PUM1: variants seen among roughly 807,000 people sequenced by gnomAD.
The protein encoded by PUM1 is pumilio RNA binding family member 1.
In PUM1, 13 loss-of-function variants were observed where a neutral mutation model predicts 131.8. The observed-to-expected ratio is 0.10, with a 90% confidence interval of 0.06 to 0.16. PUM1 has a LOEUF of 0.16. Ranked by LOEUF, PUM1 falls within the 10% of genes least tolerant of loss-of-function variation. The pLI is 1.00. For synonymous variants in PUM1, 509 were observed against 556.5 expected (o/e 0.91, Z 1.20); for missense variants, 961 against 1,512.4 (o/e 0.64, Z 6.05).
chr1:31,019,157 A>G (rs1642929654), intron 3 of PUM1, among the ~76,000 whole-genome samples: 1 of 152,174 alleles, frequency 6.6e-6, no homozygotes, highest in African/African-American at 2.4e-5. Flanking sequence ...TTTCAAGACC[A>G]ACCTGGCCAA....
chr1:30,965,295 T>C (rs1349970176), intron 13 of PUM1, among the ~76,000 whole-genome samples: 1 of 152,190 alleles, frequency 6.6e-6, no homozygotes, highest in Non-Finnish European at 1.5e-5. Flanking sequence ...AATGGGGTAC[T>C]GCCCCACTAC....
intron 14 of PUM1, among the ~76,000 whole-genome samples, chr1:30,958,708 T>C (rs1640275344): frequency 6.6e-6 from 1 of 152,178 alleles, no homozygotes; most frequent in East Asian, 1.9e-4. Context: ...GACATGGATG[T>C]TTCAGTTATA....
chr1:30,939,814 C>T (rs1639368591), intron 20 of PUM1, among the ~76,000 whole-genome samples: 1 of 152,122 alleles, frequency 6.6e-6, no homozygotes, highest in Non-Finnish European at 1.5e-5. Context: ...GCTAGGAGTG[C>T]ACCACTGCAC....
At chr1:31,056,941 C>A (rs1644255273) in intron 2 of PUM1, among the ~76,000 whole-genome samples, 1 of 151,986 alleles carries the variant, frequency 6.6e-6, no homozygotes, top group Non-Finnish European at 1.5e-5. Context: ...TACAAGCATG[C>A]GCCACCACGC....
At chr1:31,041,581 A>T (rs1480170720) in intron 2 of PUM1, among the ~76,000 whole-genome samples, 1 of 152,008 alleles carries the variant, frequency 6.6e-6, no homozygotes, top group Non-Finnish European at 1.5e-5. Context: ...TATCCTCCCC[A>T]TGGTAATGAG....
intron 2 of PUM1, among the ~76,000 whole-genome samples, chr1:31,057,673 C>T (rs1179833533): frequency 1.5e-5 from 2 of 137,650 alleles, no homozygotes; most frequent in African/African-American, 5.7e-5. Flanking sequence ...TGCAGTGAGC[C>T]GAGATTGTGC....
At chr1:30,954,072 C>A (rs1640052432) in intron 14 of PUM1, 91 bp from the exon 15 acceptor site, 8 of 1,338,272 alleles carry the variant, frequency 6.0e-6, no homozygotes, top group Non-Finnish European at 6.2e-6. Context: ...AAAGCCTGCA[C>A]CATTTCTGAT....
At chr1:31,058,160 A>G (rs1472578878) in intron 2 of PUM1, among the ~76,000 whole-genome samples, 2 of 152,182 alleles carry the variant, frequency 1.3e-5, no homozygotes, top group African/African-American at 2.4e-5. Flanking sequence ...CTCTGACACA[A>G]TATATCAGTC....
chr1:31,005,880 G>T lies in PUM1; in HGVS notation c.693C>A (p.Gly231=), dbSNP rs556336800. The T allele has an allele frequency of 1.6e-5, 25 of 1,604,766 alleles. 1 individual carries two copies. In the South Asian group the frequency reaches 2.4e-4, roughly 15 times the overall value. The change falls in exon 5 of 22, where the codon GGC becomes GGA. Residue 231 remains glycine (G), a synonymous_variant. Coordinates refer to ENST00000426105, the MANE Select transcript of PUM1 (RefSeq NM_001020658.2). ...MVEYVLSSSP[G]DSCLRKGGFG... ...ATCCTCCTTTTCTTAGACAGGAATC[G>T]CCCGGGGATGAGCTCAACACATACT...
Position 31,044,436 on chromosome 1 carries a change from A to G in PUM1, c.363+14768T>C, listed in dbSNP as rs539057094. Among the ~76,000 whole-genome samples, 3 of 152,184 alleles carry G rather than the reference A, an allele frequency of 2.0e-5. No homozygotes were observed. The South Asian group carries it at 6.2e-4, about 32-fold the overall frequency. ...ATAAAAATAAATGATGTACTGATAA[A>G]TGCTACATACAACATAGATGAACCC... On this transcript the variant is annotated intron_variant, in intron 2 of 21. Transcript: ENST00000426105.
At chr1:30,939,744 G>A (rs1053347388) in intron 20 of PUM1, among the ~76,000 whole-genome samples, 4 of 152,176 alleles carry the variant, frequency 2.6e-5, no homozygotes, top group Non-Finnish European at 4.4e-5. Context: ...TACAGTCCCA[G>A]CTACTTAGGA....
intron 9 of PUM1, among the ~76,000 whole-genome samples, chr1:30,978,925 C>T (rs1001519581): frequency 6.6e-6 from 1 of 152,028 alleles, no homozygotes; most frequent in Non-Finnish European, 1.5e-5. Context: ...GCAACGCTGG[C>T]GAGACCACCC....
Position 31,040,583 on chromosome 1 carries a change from C to T in PUM1, c.364-11719G>A, listed in dbSNP as rs1393410825. Among the ~76,000 whole-genome samples the T allele has an allele frequency of 4.6e-5, 7 of 152,084 alleles. No homozygotes were observed. The East Asian group carries it at 9.7e-4, about 21-fold the overall frequency. On this transcript the variant is annotated intron_variant, in intron 2 of 21. Transcript: ENST00000426105. ...ATACTTTAGTATAGCCGAAATGGAG[C>T]GCCAGTAAGGACTGGAGAGGCAAGC...
chr1:31,044,256 C>A (rs993872343), intron 2 of PUM1, among the ~76,000 whole-genome samples: 2 of 151,968 alleles, frequency 1.3e-5, no homozygotes, highest in Non-Finnish European at 2.9e-5. Flanking sequence ...AAAAAATTAG[C>A]CAGGCGAGGT....
At chr1:31,011,108 C>A (rs983483170) in intron 3 of PUM1, among the ~76,000 whole-genome samples, 2 of 151,274 alleles carry the variant, frequency 1.3e-5, no homozygotes, top group East Asian at 1.9e-4. Flanking sequence ...CAGTGAGCTA[C>A]GATTACACTA....
chr1:30,955,876 T>G (rs74065542), intron 14 of PUM1, among the ~76,000 whole-genome samples: 4,186 of 152,346 alleles, frequency 0.027, 127 homozygotes, highest in African/African-American at 0.078. Flanking sequence ...AATATTTACT[T>G]AGTATTTGTC....
chr1:31,000,296 T>G (rs1371676296), intron 5 of PUM1, among the ~76,000 whole-genome samples: 1 of 152,242 alleles, frequency 6.6e-6, no homozygotes, highest in African/African-American at 2.4e-5. Context: ...TTATGGGCTT[T>G]CTTTAGCTGA....
chr1:31,009,071 TC>T, intron 3 of PUM1, among the ~76,000 whole-genome samples: 1 of 150,804 alleles, frequency 6.6e-6, no homozygotes, highest in East Asian at 2.0e-4. Context: ...TAGTCCCAGC[TC>T]CTCAGGAGGC....
chr1:30,932,533 G>A lies in PUM1; in HGVS notation c.*678C>T, dbSNP rs375364690. On this transcript the variant is annotated 3_prime_UTR_variant, in exon 22 of 22. Coordinates refer to ENST00000426105, the MANE Select transcript of PUM1 (RefSeq NM_001020658.2). ...CTGGGTGCTCGCATCTCCTCCTCAC[G>A]AACAGCCTTCTTCAGCATAATATAG... 6.6e-6 allele frequency: 1 copy of A among 151,244 alleles called. No individual in the cohort carries two copies. The highest frequency in any genetic ancestry group is 2.1e-4 in the South Asian group (1 of 4,782). 9.4% of individuals were successfully genotyped at this position (151,244 alleles called of 1,614,324 possible). A position where few individuals can be genotyped will look rare whatever the true frequency, so the allele number is the denominator to read the frequency against.
Sources: gnomAD v4.1 joint callset for allele counts (sites outside exome capture counted in the v4.1 genomes callset) on GRCh38, gnomAD v4.1.1 for gene constraint, MANE v1.5 for transcripts, NCBI Gene and HGNC (gene_info 2026-07-23, HGNC 2026-07-21) for gene names.